TMX2: variants seen among roughly 807,000 people sequenced by gnomAD.
The protein encoded by TMX2 is thioredoxin-related transmembrane protein 2.
A neutral mutation model predicts 33.4 loss-of-function variants in TMX2; 20 were observed. The ratio of observed to expected loss-of-function variants is 0.60; its 90% CI spans 0.42 to 0.87. The LOEUF is 0.87. TMX2 is among the 40% of genes least tolerant of loss of function. The probability of loss-of-function intolerance (pLI) is 0.00; values close to 1 mark genes in which losing one functional copy is unlikely to be tolerated. For synonymous variants in TMX2, 166 were observed against 140.7 expected, an observed-to-expected ratio of 1.18 and a Z score of -1.27; for missense variants, 340 against 370.7, an observed-to-expected ratio of 0.92 and a Z score of 0.68.
chr11:57,737,348 A>G (rs1160384426), intron 1 of TMX2, among the ~76,000 whole-genome samples: 1 of 152,252 alleles, frequency 6.6e-6, no homozygotes, highest in Non-Finnish European at 1.5e-5. Context: ...AGATCGCGCC[A>G]TTGCACTCTA....
At position 57,712,695 on chromosome 11, in the gene TMX2, A is replaced by T; in HGVS notation, c.77A>T (p.Tyr26Phe). 6.2e-7 allele frequency: 1 copy of T among 1,614,010 alleles called. No individual in the cohort carries two copies. The highest frequency in any genetic ancestry group is 8.5e-7 in the Non-Finnish European group (1 of 1,180,002). The change falls in exon 1 of 8, where the codon TAC becomes TTC. Residue 26 changes from tyrosine to phenylalanine, a missense_variant. Tyr to Phe is a conservative substitution (Grantham distance 22, BLOSUM62 3). Transcript: ENST00000278422. ...TCACGATGGCTCGCCCAACCTTACT[A>T]CCTTCTGTCGGCCCTGCTCTCTGCT... ...RLSRWLAQPYYLLSALLSAAF... is the reference protein window; with the variant it reads ...RLSRWLAQPYFLLSALLSAAF...
intron 1 of TMX2, among the ~76,000 whole-genome samples, chr11:57,737,284 G>A (rs1041630791): frequency 6.6e-6 from 1 of 152,142 alleles, no homozygotes; most frequent in Non-Finnish European, 1.5e-5. Flanking sequence ...GCCGGGTGTG[G>A]TGGCGCATGT....
At chr11:57,732,248 C>T (rs1343722125) in intron 1 of TMX2, among the ~76,000 whole-genome samples, 3 of 152,164 alleles carry the variant, frequency 2.0e-5, no homozygotes, top group African/African-American at 4.8e-5. Context: ...CTATAAGCAA[C>T]ATCTGTGCTC....
chr11:57,730,503 G>A lies in TMX2; in HGVS notation c.190-7105G>A, dbSNP rs1363609284. On this transcript the variant is annotated intron_variant, in intron 1 of 7. Transcript: ENST00000278422. The stretch of plus-strand genomic sequence containing the variant: ...TGTAATCCCAGCACTTTGGGAGGCC[G>A]AGGCGGGCAGATCATCTGAGGTCAG... 7.5e-5 allele frequency among the ~76,000 whole-genome samples: 11 copies of A among 147,544 alleles called. No individual in the cohort carries two copies. The East Asian group carries it at 2.3e-3, about 30-fold the overall frequency.
intron 1 of TMX2, among the ~76,000 whole-genome samples, chr11:57,737,407 A>G (rs954861120): frequency 4.6e-5 from 7 of 152,248 alleles, no homozygotes; most frequent in Non-Finnish European, 1.0e-4. Context: ...AAGCACCAGC[A>G]AGTTTGTGGC....
rs145703380 is a variant in TMX2, at chr11:57,733,748, T to G, written c.190-3860T>G. On this transcript the variant is annotated intron_variant, in intron 1 of 7. Coordinates refer to ENST00000278422, the MANE Select transcript of TMX2 (RefSeq NM_015959.4). ...GCTTCAAATTATCCATAATAAAAAG[T>G]TTTAAAACAATTAAATAGAACAACC... is the stretch of plus-strand genomic sequence containing the variant. Among the ~76,000 whole-genome samples, 51 of 152,290 alleles carry G rather than the reference T, an allele frequency of 3.3e-4. No individual in the cohort carries two copies. In the East Asian group the frequency reaches 7.1e-3, roughly 21 times the overall value.
At chr11:57,736,883 C>CA (rs759801548) in intron 1 of TMX2, among the ~76,000 whole-genome samples, 4,921 of 79,868 alleles carry the variant, frequency 0.062, 98 homozygotes, top group East Asian at 0.086. Context: ...AAGACTGTCT[C>CA]AAAAAAAAAA....
chr11:57,717,410 A>G (rs1947199512), intron 1 of TMX2, among the ~76,000 whole-genome samples: 2 of 151,700 alleles, frequency 1.3e-5, no homozygotes, highest in South Asian at 4.2e-4. Flanking sequence ...CAGCCTGGGC[A>G]CCATTGAGCA....
intron 7 of TMX2, among the ~76,000 whole-genome samples, 162 bp downstream of exon 7, chr11:57,739,422 T>C (rs1436429591): frequency 6.6e-6 from 1 of 152,156 alleles, no homozygotes; most frequent in East Asian, 1.9e-4. Context: ...AAATATATAT[T>C]ATGTGCAGAC....
At chr11:57,736,724 C>CA (rs1486850179) in intron 1 of TMX2, among the ~76,000 whole-genome samples, 2 of 151,716 alleles carry the variant, frequency 1.3e-5, no homozygotes, top group African/African-American at 4.8e-5. Context: ...CCGGTCTCTA[C>CA]AAAAAATACA....
chr11:57,739,098 A>G (rs2135660346), intron 6 of TMX2, 33 bp from the exon 7 acceptor site: 1 of 1,614,218 alleles, frequency 6.2e-7, no homozygotes, highest in Non-Finnish European at 8.5e-7. Context: ...TGATACATAC[A>G]GGGACATTTA....
chr11:57,726,821 A>C (rs1270409022), intron 1 of TMX2, among the ~76,000 whole-genome samples: 1 of 152,236 alleles, frequency 6.6e-6, no homozygotes, highest in African/African-American at 2.4e-5. Context: ...TGGCGGAAAG[A>C]GAGATTAAAT....
chr11:57,724,753 T>C (rs762866645), intron 1 of TMX2, among the ~76,000 whole-genome samples: 18 of 152,172 alleles, frequency 1.2e-4, no homozygotes, highest in Non-Finnish European at 2.4e-4. Context: ...AAATGGGTAC[T>C]ATAAGGCTGG....
At chr11:57,724,906 C>T (rs1947876061) in intron 1 of TMX2, among the ~76,000 whole-genome samples, 1 of 151,812 alleles carries the variant, frequency 6.6e-6, no homozygotes, top group Non-Finnish European at 1.5e-5. Context: ...GGTGCGGTGG[C>T]AGGCGCCTGT....
intron 1 of TMX2, among the ~76,000 whole-genome samples, chr11:57,717,201 C>CT (rs1947176106): frequency 6.6e-6 from 1 of 151,294 alleles, no homozygotes; most frequent in Non-Finnish European, 1.5e-5. Context: ...CGGGCAGAGA[C>CT]GCTCCTCACT....
chr11:57,729,470 TA>T (rs1468498832), intron 1 of TMX2, among the ~76,000 whole-genome samples: 1 of 152,206 alleles, frequency 6.6e-6, no homozygotes, highest in Non-Finnish European at 1.5e-5. Flanking sequence ...TGTGTGTGTG[TA>T]TTTAAAGGCC....
intron 3 of TMX2, 22 bp downstream of exon 3, chr11:57,738,048 C>CTTT (rs751575175): frequency 2.1e-5 from 27 of 1,293,970 alleles, no homozygotes; most frequent in Admixed American, 1.6e-4. Flanking sequence ...GCCTTTCTTT[C>CTTT]TTTTTTTTTT....
At chr11:57,736,247 G>T (rs1373003897) in intron 1 of TMX2, among the ~76,000 whole-genome samples, 1 of 151,632 alleles carries the variant, frequency 6.6e-6, no homozygotes, top group Non-Finnish European at 1.5e-5. Context: ...CTACAACAGG[G>T]TTATCTAATC....
Position 57,718,497 on chromosome 11 carries a change from C to A in TMX2, c.189+5690C>A. ...GAGATGCGGCCCAGGGGCTCACCAT[C>A]CACGGTGATGTCAAAGAACACGGGG... On this transcript the variant is annotated intron_variant, in intron 1 of 7. Coordinates refer to ENST00000278422, the MANE Select transcript of TMX2 (RefSeq NM_015959.4). The A allele has an allele frequency of 6.0e-6, 5 of 830,268 alleles. No homozygotes were observed. The South Asian group carries it at 6.9e-5, about 11-fold the overall frequency. The allele number at this position is 830,268 out of a possible 1,614,324, so 51.4% of individuals were successfully genotyped here.
Sources: allele counts gnomAD v4.1 joint callset (sites outside exome capture counted in the v4.1 genomes callset), GRCh38; gene constraint gnomAD v4.1.1; transcripts MANE v1.5; gene names NCBI Gene and HGNC (gene_info 2026-07-23, HGNC 2026-07-21).